LIPK: variants seen among roughly 807,000 people sequenced by gnomAD.
LIPK encodes lipase family member K.
Under a neutral mutation model 48.6 loss-of-function variants are expected in LIPK, and 32 were observed. That is an observed-to-expected ratio of 0.66 (90% CI 0.50 to 0.88). LIPK has a LOEUF of 0.88. Ranked by LOEUF, LIPK falls within the 40% of genes least tolerant of loss-of-function variation. The pLI, the probability that LIPK is intolerant of heterozygous loss-of-function variation, is 0.00. For synonymous variants in LIPK, 164 were observed against 157.4 expected, an observed-to-expected ratio of 1.04 and a Z score of -0.32; for missense variants, 507 against 478.5, an observed-to-expected ratio of 1.06 and a Z score of -0.56.
rs755595322 is a variant in LIPK, at chr10:88,726,835, A to C, written c.146A>C (p.Tyr49Ser). Residue 49 changes from tyrosine (Y) to serine (S), a missense_variant, in exon 3 of 10, where the codon TAT becomes TCT. Physicochemically the swap from Tyr to Ser is moderately radical, Grantham distance 144. Transcript: ENST00000404190. ...TACTGGGGTTATCCTTATGAAGAGT[A>C]TGATGTTACAACAAAAGATGGTTAT... ...ISYWGYPYEE[Y>S]DVTTKDGYIL... 9.3e-6 allele frequency: 15 copies of C among 1,606,634 alleles called. No homozygotes were observed. The highest frequency in any genetic ancestry group is 1.6e-4 in the Middle Eastern group (1 of 6,078).
At chr10:88,741,290 T>A (rs1206340799) in intron 8 of LIPK, among the ~76,000 whole-genome samples, 1 of 152,194 alleles carries the variant, frequency 6.6e-6, no homozygotes, top group African/African-American at 2.4e-5. Flanking sequence ...AGTGGTAGAA[T>A]CATGGCTCAC....
chr10:88,741,371 T>G (rs1047031905), intron 8 of LIPK, among the ~76,000 whole-genome samples: 1 of 152,096 alleles, frequency 6.6e-6, no homozygotes, highest in Non-Finnish European at 1.5e-5. Flanking sequence ...ACCACAGGCA[T>G]GCACCACCAT....
intron 1 of LIPK, among the ~76,000 whole-genome samples, chr10:88,720,715 G>GCACACACA (rs3068334): frequency 3.7e-4 from 56 of 150,194 alleles, no homozygotes; most frequent in African/African-American, 9.3e-4. Flanking sequence ...CAAGTTTTAT[G>GCACACACA]CACACACACA....
At chr10:88,740,578 G>A (rs1842660496) in intron 8 of LIPK, among the ~76,000 whole-genome samples, 1 of 152,214 alleles carries the variant, frequency 6.6e-6, no homozygotes, top group Admixed American at 6.5e-5. Flanking sequence ...AGAAAGCTCA[G>A]AGATAAGTCT....
chr10:88,706,577 A>G (rs1027222895), intron 1 of LIPK, among the ~76,000 whole-genome samples: 5 of 152,144 alleles, frequency 3.3e-5, no homozygotes, highest in African/African-American at 1.2e-4. Context: ...CCTCAGTGAG[A>G]GGAGGTATCA....
intron 8 of LIPK, among the ~76,000 whole-genome samples, chr10:88,741,624 G>T (rs1842681674): frequency 6.6e-6 from 1 of 152,168 alleles, no homozygotes; most frequent in African/African-American, 2.4e-5. Context: ...GGGATGGTGG[G>T]GGGCATGGTG....
At position 88,747,862 on chromosome 10, in the gene LIPK, A is replaced by G. The variant is rs138730392; in HGVS notation, c.960+4541A>G. ...AAGATAGCATGGCTATTCCTCAAGG[A>G]TCTAGAATCAAAAATACCATTTGAC... On this transcript the variant is annotated intron_variant, in intron 9 of 9. Coordinates refer to ENST00000404190, the MANE Select transcript of LIPK (RefSeq NM_001080518.2). Among the ~76,000 whole-genome samples the G allele has an allele frequency of 2.7e-4, 41 of 152,346 alleles. No homozygotes were observed. The East Asian group carries it at 6.8e-3, about 25-fold the overall frequency.
chr10:88,724,767 C>A, intron 2 of LIPK, 119 bp downstream of exon 2: 1 of 653,592 alleles, frequency 1.5e-6, no homozygotes, highest in South Asian at 2.1e-5. Context: ...TAAGTCTGTG[C>A]TTCCTCTCCT....
Position 88,752,618 on chromosome 10 carries a change from A to C in LIPK, c.1062A>C (p.Leu354Phe). Residue 354 changes from leucine (L) to phenylalanine (F), a missense_variant, in exon 10 of 10, where the codon TTA becomes TTC. Coordinates refer to ENST00000404190, the MANE Select transcript of LIPK (RefSeq NM_001080518.2). Reference sequence around the variant, plus strand: ...CTGATCCCAAGGATGTTGAAAATTTACTTCCTCAAATTGCTAACCTTATTT... The same window carrying C: ...CTGATCCCAAGGATGTTGAAAATTTCCTTCCTCAAATTGCTAACCTTATTT... ...IVADPKDVEN[L>F]LPQIANLIYY... 6.4e-7 allele frequency: 1 copy of C among 1,572,104 alleles called. No homozygotes were observed. Among genetic ancestry groups the C allele is most frequent in the Middle Eastern group, 1.7e-4 (1 of 6,010 alleles).
intron 1 of LIPK, among the ~76,000 whole-genome samples, chr10:88,707,169 C>T (rs1841951200): frequency 1.3e-5 from 2 of 152,036 alleles, no homozygotes; most frequent in African/African-American, 4.8e-5. Context: ...TTTTACCAGG[C>T]TTTCTTTGTG....
intron 1 of LIPK, among the ~76,000 whole-genome samples, chr10:88,711,146 AT>A (rs1321026663): frequency 4.0e-5 from 6 of 151,822 alleles, no homozygotes; most frequent in South Asian, 2.1e-4. Context: ...TTTAAATTTA[AT>A]TTTTTTGTTG....
At chr10:88,734,408 A>G (rs431673) in intron 6 of LIPK, among the ~76,000 whole-genome samples, 24,745 of 152,184 alleles carry the variant, frequency 0.16, 2,517 homozygotes, top group East Asian at 0.3. Flanking sequence ...GGAGATTTAT[A>G]TTAGTATTTG....
At chr10:88,726,285 A>G (rs1842336344) in intron 2 of LIPK, among the ~76,000 whole-genome samples, 1 of 152,246 alleles carries the variant, frequency 6.6e-6, no homozygotes. Flanking sequence ...ACCCAGACTT[A>G]CCTATGCCTC....
Position 88,732,465 on chromosome 10 carries a change from T to C in LIPK, c.583T>C (p.Phe195Leu), listed in dbSNP as rs1750838317. The C allele has an allele frequency of 6.2e-7, 1 of 1,613,490 alleles. No homozygotes were observed. Among genetic ancestry groups the C allele is most frequent in the South Asian group, 1.1e-5 (1 of 90,954 alleles). The change falls in exon 6 of 10, where the codon TTT becomes CTT. Residue 195 changes from phenylalanine (F) to leucine (L), a missense_variant. Phe to Leu is a conservative substitution (Grantham distance 22). Transcript: ENST00000404190. ...NPELAKKIKI[F>L]FALAPVVTVK... Reference sequence around the variant, plus strand: ...AGAACTGGCTAAAAAGATTAAGATATTTTTTGCACTGGCTCCAGTTGTCAC... The same window carrying C: ...AGAACTGGCTAAAAAGATTAAGATACTTTTTGCACTGGCTCCAGTTGTCAC...
intron 6 of LIPK, among the ~76,000 whole-genome samples, chr10:88,736,192 GGAGGAGGAAGAA>G (rs1390329232): frequency 4.1e-5 from 6 of 148,012 alleles, no homozygotes; most frequent in Non-Finnish European, 9.0e-5. Flanking sequence ...AGAAGGAAGA[GGAGGAGGAAGAA>G]GAGGAGGAAG....
chr10:88,727,630 C>A (rs406102), intron 3 of LIPK: 124,722 of 161,506 alleles, frequency 0.77, 49,245 homozygotes, highest in East Asian at 1. Flanking sequence ...CCTCAAGCTT[C>A]TTCCAGGTAG....
At chr10:88,710,330 T>C (rs897005487) in intron 1 of LIPK, among the ~76,000 whole-genome samples, 3 of 152,166 alleles carry the variant, frequency 2.0e-5, no homozygotes, top group African/African-American at 7.2e-5. Context: ...TCCTAGTAAT[T>C]ACAGCAATAT....
At chr10:88,751,079 T>A (rs1291532273) in intron 9 of LIPK, among the ~76,000 whole-genome samples, 1 of 152,160 alleles carries the variant, frequency 6.6e-6, no homozygotes, top group Non-Finnish European at 1.5e-5. Flanking sequence ...GAAGTATCAT[T>A]TTTAGGAGGT....
intron 9 of LIPK, among the ~76,000 whole-genome samples, chr10:88,746,886 T>C (rs186646765): frequency 2.8e-4 from 43 of 151,904 alleles, no homozygotes; most frequent in African/African-American, 9.4e-4. Flanking sequence ...TAATAAATAA[T>C]AAAGAGAGAA....
Sources: allele counts gnomAD v4.1 joint callset (sites outside exome capture counted in the v4.1 genomes callset), GRCh38; gene constraint gnomAD v4.1.1; transcripts MANE v1.5; gene names NCBI Gene and HGNC (gene_info 2026-07-23, HGNC 2026-07-21).